The following ITM2C variants were observed in gnomAD, a reference collection of about 807,000 sequenced individuals.
ITM2C encodes BRICHOS domain containing 2C.
In ITM2C, 20 loss-of-function variants were observed where a neutral mutation model predicts 30.0. That is an observed-to-expected ratio of 0.67 (90% confidence interval 0.47 to 0.97). ITM2C has a LOEUF of 0.97. ITM2C is among the 50% of genes least tolerant of loss of function. The pLI, the probability that ITM2C is intolerant of heterozygous loss-of-function variation, is 0.00. For missense variants in ITM2C, 366 were observed against 371.9 expected (o/e 0.98, Z 0.13); for synonymous variants, 167 against 156.4 (o/e 1.07, Z -0.51).
intron 1 of ITM2C, among the ~76,000 whole-genome samples, chr2:230,872,640 A>T (rs1393615786): frequency 6.6e-6 from 1 of 152,148 alleles, no homozygotes; most frequent in Non-Finnish European, 1.5e-5. Context: ...TGGTGGATGG[A>T]AGCTTCCGGG....
Position 230,877,908 on chromosome 2 carries a change from G to T in ITM2C, c.713-100G>T. The T allele has an allele frequency of 1.1e-6, 1 of 898,574 alleles. No individual in the cohort carries two copies. Among genetic ancestry groups the T allele is most frequent in the Non-Finnish European group, 1.8e-6 (1 of 563,818 alleles). 55.7% of individuals were successfully genotyped at this position (898,574 alleles called of 1,614,324 possible). ...CTCTTTGGGTGAATCTGGGTGAATG[G>T]TGTCACTTCCTGGCCCTCCTGTGGC... On this transcript the variant is annotated intron_variant, in intron 5 of 5. Transcript: ENST00000326427. This position sits in a 1 kb window ranked among gnomAD's most constrained non-coding sequence, Gnocchi z 4.8.
At chr2:230,875,833 T>TGGG in intron 3 of ITM2C, 25 bp downstream of exon 3, 2 of 134,768 alleles carry the variant, frequency 1.5e-5, no homozygotes, top group South Asian at 7.8e-5. Context: ...GGCCTGGGGG[T>TGGG]GGGGGGTGGG....
intron 2 of ITM2C, among the ~76,000 whole-genome samples, chr2:230,874,563 C>T (rs958844995): frequency 1.6e-4 from 24 of 152,308 alleles, no homozygotes; most frequent in Admixed American, 1.4e-3. Context: ...CCCAGCAGCC[C>T]CTGGGTCTGT....
Position 230,878,235 on chromosome 2 carries a change from T to C in ITM2C, c.*136T>C, listed in dbSNP as rs1045336136. 2 of 537,506 alleles carry C rather than the reference T, an allele frequency of 3.7e-6. No individual in the cohort carries two copies. Among genetic ancestry groups the C allele is most frequent in the Non-Finnish European group, 6.4e-6 (2 of 314,444 alleles). 33.3% of individuals were successfully genotyped at this position (537,506 alleles called of 1,614,324 possible). On this transcript the variant is annotated 3_prime_UTR_variant, in exon 6 of 6. Coordinates refer to ENST00000326427, the MANE Select transcript of ITM2C (RefSeq NM_030926.6). This position sits in a 1 kb window ranked among gnomAD's most constrained non-coding sequence, Gnocchi z 4.5. Reference sequence around the variant, plus strand: ...GAGGTGACATGTCTCTCCATTCCTCTCCAACCCTGCCCACCTCCCTGTACC... The same window carrying C: ...GAGGTGACATGTCTCTCCATTCCTCCCCAACCCTGCCCACCTCCCTGTACC...
At chr2:230,874,085 C>T (rs1300934418) in intron 2 of ITM2C, among the ~76,000 whole-genome samples, 2 of 152,216 alleles carry the variant, frequency 1.3e-5, no homozygotes, top group Non-Finnish European at 2.9e-5. Flanking sequence ...TGGGCCAACC[C>T]AGACCTGGGA....
intron 1 of ITM2C, among the ~76,000 whole-genome samples, chr2:230,867,516 G>A (rs989863764): frequency 3.3e-5 from 5 of 152,184 alleles, no homozygotes; most frequent in African/African-American, 1.2e-4. Context: ...CTCAGGGCAG[G>A]GCGTGTAGAT....
rs199999372 is a variant in ITM2C at position 230,876,936 on chromosome 2, G to A, written c.530G>A (p.Arg177His). Residue 177 changes from arginine to histidine, a missense_variant, in exon 4 of 6, where the codon CGC (arginine) becomes CAC (histidine). Arg to His is a conservative substitution (Grantham distance 29). Coordinates refer to ENST00000326427, the MANE Select transcript of ITM2C (RefSeq NM_030926.6). ...ELNTTIVLPP[R>H]NFWELLMNVK... ...AACACCACCATTGTGCTGCCCCCTC[G>A]CAACTTCTGGGAGCTCCTCATGAAC... 4.4e-5 allele frequency: 71 copies of A among 1,613,638 alleles called. 1 individual carries two copies. The East Asian group carries it at 1.2e-3, about 28-fold the overall frequency.
rs1697321525 is a variant in ITM2C at position 230,877,078 on chromosome 2, G to A, written c.561+111G>A. 2.5e-6 allele frequency: 2 copies of A among 799,548 alleles called. No individual in the cohort carries two copies. Among genetic ancestry groups the A allele is most frequent in the Non-Finnish European group, 2.1e-6 (1 of 477,700 alleles). The allele number at this position is 799,548 out of a possible 1,614,324, so 49.5% of individuals were successfully genotyped here. A position where few individuals can be genotyped will look rare whatever the true frequency, so the allele number is the denominator to read the frequency against. ...AGTTCCTGTGTCAGGGGTTGGGGGAGCAAGAGACATTGCTGGCACCTGGGC... is the reference window on the plus strand; with the variant it reads ...AGTTCCTGTGTCAGGGGTTGGGGGAACAAGAGACATTGCTGGCACCTGGGC... On this transcript the variant is annotated intron_variant, in intron 4 of 5. Transcript: ENST00000326427. The surrounding 1 kb of genome is among the most constrained non-coding windows in gnomAD (Gnocchi z 4.8).
Position 230,873,447 on chromosome 2 carries a change from AG to A in ITM2C, c.158del (p.Gly53AlafsTer66). 6.2e-7 allele frequency: 1 copy of A among 1,604,952 alleles called. No homozygotes were observed. Among genetic ancestry groups the A allele is most frequent in the Non-Finnish European group, 8.5e-7 (1 of 1,175,786 alleles). On this transcript the variant is annotated frameshift_variant, in exon 2 of 6. Coordinates refer to ENST00000326427, the MANE Select transcript of ITM2C (RefSeq NM_030926.6). LOFTEE classifies it high-confidence loss of function. ...EEQPPQHRSK[R>X]GGSVGGVCYL... ...GCAGCCCCCACAACATCGATCCAAG[AG>A]GGGGGGCTCAGTGGGCGGCGTGTGC...
At chr2:230,873,611 G>A (rs1477503913) in intron 2 of ITM2C, 54 bp downstream of exon 2, 2 of 1,512,418 alleles carry the variant, frequency 1.3e-6, no homozygotes, top group East Asian at 4.9e-5. Flanking sequence ...CATGTCTAGA[G>A]AGGCATGGAG....
chr2:230,875,935 C>A, intron 3 of ITM2C, 127 bp downstream of exon 3: 2 of 717,462 alleles, frequency 2.8e-6, no homozygotes, highest in Non-Finnish European at 4.5e-6. Context: ...TTACCAGGGT[C>A]TTCAAGACAC....
At position 230,873,457 on chromosome 2, in the gene ITM2C, C is replaced by T. The variant is rs1697216748; in HGVS notation, c.161C>T (p.Ser54Leu). Residue 54 changes from serine (S) to leucine (L), a missense_variant, in exon 2 of 6, where the codon TCA becomes TTA. Physicochemically the swap from Ser to Leu is moderately radical, Grantham distance 145 (BLOSUM62 -2). Transcript: ENST00000326427. ...PPQHRSKRGG[S>L]VGGVCYLSMG... ...CAACATCGATCCAAGAGGGGGGGCT[C>T]AGTGGGCGGCGTGTGCTACCTGTCG... 1 of 1,607,514 alleles carries T rather than the reference C, an allele frequency of 6.2e-7. No homozygotes were observed. Among genetic ancestry groups the T allele is most frequent in the Non-Finnish European group, 8.5e-7 (1 of 1,177,116 alleles).
intron 1 of ITM2C, chr2:230,873,138 C>T (rs1697206379): frequency 2.7e-6 from 1 of 371,144 alleles, no homozygotes; most frequent in Non-Finnish European, 4.8e-6. Context: ...ACCTGCTGAA[C>T]CCACTGCATC....
In ITM2C at chr2:230,876,979, G is replaced by C. The variant is rs758761666; in HGVS notation, c.561+12G>C. On this transcript the variant is annotated intron_variant, in intron 4 of 5. Coordinates refer to ENST00000326427, the MANE Select transcript of ITM2C (RefSeq NM_030926.6). The stretch of plus-strand genomic sequence containing the variant: ...TCATGAACGTGAAGGTGCGCAGGGG[G>C]TTGGGGGGATGTCTGCAGCATCCTG... 1 of 1,565,806 alleles carries C rather than the reference G, an allele frequency of 6.4e-7. No individual in the cohort carries two copies. Among genetic ancestry groups the C allele is most frequent in the Non-Finnish European group, 8.8e-7 (1 of 1,136,380 alleles).
Position 230,878,086 on chromosome 2 carries a change from G to T in ITM2C, c.791G>T (p.Cys264Phe). 10 of 1,592,948 alleles carry T rather than the reference G, an allele frequency of 6.3e-6. No homozygotes were observed. Among genetic ancestry groups the T allele is most frequent in the Non-Finnish European group, 6.8e-6 (8 of 1,167,960 alleles). ...ENTFVVETLI[C>F]GVV ...ACCTTCGTGGTGGAGACGCTCATCT[G>T]CGGGGTGGTGTGAGGCCCTCCTCCC... is the stretch of plus-strand genomic sequence containing the variant. Residue 264 changes from cysteine to phenylalanine, a missense_variant, in exon 6 of 6, where the codon TGC becomes TTC. Physicochemically the swap from Cys to Phe is radical, Grantham distance 205. Coordinates refer to ENST00000326427, the MANE Select transcript of ITM2C (RefSeq NM_030926.6). The surrounding 1 kb of genome is among the most constrained non-coding windows in gnomAD (Gnocchi z 4.5).
chr2:230,868,554 A>G (rs1485945197), intron 1 of ITM2C, among the ~76,000 whole-genome samples: 1 of 151,974 alleles, frequency 6.6e-6, no homozygotes, highest in African/African-American at 2.4e-5. Flanking sequence ...AAGGGGAGAA[A>G]AACAAGTTAA....
chr2:230,879,178 C>A lies in ITM2C; in HGVS notation c.*1079C>A, dbSNP rs1399978551. 6.6e-6 allele frequency: 1 copy of A among 152,602 alleles called. No individual in the cohort carries two copies. Among genetic ancestry groups the A allele is most frequent in the East Asian group, 1.9e-4 (1 of 5,192 alleles). The allele number at this position is 152,602 out of a possible 1,614,324, so 9.5% of individuals were successfully genotyped here. On this transcript the variant is annotated 3_prime_UTR_variant, in exon 6 of 6. Coordinates refer to ENST00000326427, the MANE Select transcript of ITM2C (RefSeq NM_030926.6). Reference sequence around the variant, plus strand: ...TCTCTGGGGATGAAACTCTTAAATGCTTTGTATATTTTCTCAATTAGATCT... The same window carrying A: ...TCTCTGGGGATGAAACTCTTAAATGATTTGTATATTTTCTCAATTAGATCT...
intron 1 of ITM2C, among the ~76,000 whole-genome samples, chr2:230,871,459 A>C (rs915368209): frequency 6.6e-6 from 1 of 152,210 alleles, no homozygotes; most frequent in East Asian, 1.9e-4. Flanking sequence ...ATTTAGTCCC[A>C]ACCCCCTGTG....
chr2:230,871,532 T>C (rs1216851548), intron 1 of ITM2C, among the ~76,000 whole-genome samples: 4 of 152,200 alleles, frequency 2.6e-5, no homozygotes, highest in Non-Finnish European at 5.9e-5. Flanking sequence ...CTGGTGACCT[T>C]GGTTAGTGCC....
Sources: gnomAD v4.1 joint callset for allele counts (sites outside exome capture counted in the v4.1 genomes callset) on GRCh38, gnomAD v4.1.1 for gene constraint, Gnocchi (gnomAD v3.1) non-coding constraint, MANE v1.5 for transcripts, NCBI Gene and HGNC (gene_info 2026-07-23, HGNC 2026-07-21) for gene names.